Variants in OVGP1 observed in about 807,000 individuals in gnomAD.
OVGP1 encodes the protein oviductal glycoprotein 1.
A neutral mutation model predicts 48.2 loss-of-function variants in OVGP1; 26 were observed. The ratio of observed to expected loss-of-function variants is 0.54; its 90% CI spans 0.40 to 0.75. The LOEUF (loss-of-function observed/expected upper bound fraction) is 0.75, where lower values mean the gene tolerates loss of function less well. OVGP1 is among the 30% of genes least tolerant of loss of function. OVGP1 has a pLI of 0.00. For missense variants in OVGP1, 791 were observed against 820.6 expected (o/e 0.96, Z 0.44); for synonymous variants, 294 against 305.7 (o/e 0.96, Z 0.40).
intron 9 of OVGP1, 86 bp downstream of exon 9, chr1:111,419,524 T>C: frequency 2.5e-6 from 2 of 804,126 alleles, no homozygotes; most frequent in Non-Finnish European, 4.4e-6. Context: ...CTCCACCCAA[T>C]ACACATACAT....
intron 4 of OVGP1, 118 bp downstream of exon 4, chr1:111,425,265 G>A (rs1291897036): frequency 7.2e-6 from 8 of 1,114,180 alleles, no homozygotes; most frequent in Non-Finnish European, 1.0e-5. Flanking sequence ...CATGAGTTGG[G>A]GAAGTATTTG....
intron 6 of OVGP1, 49 bp downstream of exon 6, chr1:111,422,878 C>T (rs1652303585): frequency 6.2e-7 from 1 of 1,609,250 alleles, no homozygotes; most frequent in Non-Finnish European, 8.5e-7. Flanking sequence ...GAGCTCAAGA[C>T]ACCTGCTTCC....
chr1:111,420,050 A>G (rs79394978), intron 8 of OVGP1, among the ~76,000 whole-genome samples: 1 of 152,184 alleles, frequency 6.6e-6, no homozygotes, highest in East Asian at 1.9e-4. Flanking sequence ...TCCTTGACCA[A>G]ATCTGTATCT....
Position 111,423,648 on chromosome 1 carries a change from G to T in OVGP1, c.378C>A (p.Ser126=). The T allele has an allele frequency of 6.2e-7, 1 of 1,614,064 alleles. No homozygotes were observed. Among genetic ancestry groups the T allele is most frequent in the Non-Finnish European group, 8.5e-7 (1 of 1,179,922 alleles). ...CATCAAAGTCATGTGTCCTCAGAAG[G>T]GATATAACTGAAGCAATAAACTTTT... ...NREKFIASVI[S]LLRTHDFDGL... is the part of the protein sequence containing the mutation. Residue 126 remains serine (S), a synonymous_variant, in exon 5 of 11, where the codon TCC becomes TCA. Coordinates refer to ENST00000369732, the MANE Select transcript of OVGP1 (RefSeq NM_002557.4).
At position 111,419,709 on chromosome 1, in the gene OVGP1, C is replaced by G; in HGVS notation, c.921G>C (p.Trp307Cys). Reference protein sequence around the residue: ...LAYFEICSFVWGAKKHWIDYQ... With the variant: ...LAYFEICSFVCGAKKHWIDYQ... ...AATCAATCCAGTGCTTCTTCGCTCC[C>G]CAGACAAAGGAACAAATCTGCCAAG... The change falls in exon 9 of 11, where the codon TGG becomes TGC. Residue 307 changes from tryptophan to cysteine, a missense_variant. Coordinates refer to ENST00000369732, the MANE Select transcript of OVGP1 (RefSeq NM_002557.4). 1 of 1,612,020 alleles carries G rather than the reference C, an allele frequency of 6.2e-7. No homozygotes were observed.
rs751806781 is a variant in OVGP1, at chr1:111,421,435, CT to C, written c.743del (p.Lys248SerfsTer97). On this transcript the variant is annotated frameshift_variant, in exon 8 of 11. Coordinates refer to ENST00000369732, the MANE Select transcript of OVGP1 (RefSeq NM_002557.4). LOFTEE classifies it high-confidence loss of function. The stretch of plus-strand genomic sequence containing the variant: ...TGAGCTTCTCTGAGGGTGCCCCAAG[CT>C]TTCTCCAATAATTCATAGCATATGC... ...SSAYAMNYWRKLGAPSEKLIM... is the reference protein window; with the variant it reads ...SSAYAMNYWRXLGAPSEKLIM... 4.8e-5 allele frequency: 78 copies of C among 1,611,296 alleles called. No individual in the cohort carries two copies. Among genetic ancestry groups the C allele is most frequent in the Non-Finnish European group, 6.2e-5 (73 of 1,178,984 alleles).
chr1:111,422,863 G>A (rs1652303144), intron 6 of OVGP1, 64 bp downstream of exon 6: 2 of 1,588,146 alleles, frequency 1.3e-6, no homozygotes, highest in South Asian at 1.1e-5. Flanking sequence ...AAGCTCTGGG[G>A]TTCTGAGCTC....
At position 111,423,016 on chromosome 1, in the gene OVGP1, G is replaced by T; in HGVS notation, c.519C>A (p.Leu173=). 1 of 1,614,166 alleles carries T rather than the reference G, an allele frequency of 6.2e-7. No homozygotes were observed. The highest frequency in any genetic ancestry group is 8.5e-7 in the Non-Finnish European group (1 of 1,180,032). The change falls in exon 6 of 11, where the codon CTC becomes CTA. Residue 173 remains leucine, a synonymous_variant. Transcript: ENST00000369732. ...ACAGCAGCAGCCTCGGGCGCATGGT[G>T]AGCAGTGCCTCCTTCCGGAAGGCAA... ...LLFAFRKEAL[L]TMRPRLLLSA...
At chr1:111,417,782 G>GT (rs1358235743) in intron 9 of OVGP1, among the ~76,000 whole-genome samples, 3 of 152,230 alleles carry the variant, frequency 2.0e-5, no homozygotes, top group African/African-American at 7.2e-5. Flanking sequence ...CAAGGACAAT[G>GT]TGATGAAGGT....
chr1:111,423,110 G>A, intron 5 of OVGP1, 59 bp from the exon 6 acceptor site: 2 of 1,605,812 alleles, frequency 1.2e-6, no homozygotes, highest in South Asian at 1.1e-5. Flanking sequence ...GGGGCCTGGG[G>A]GGAGTGTCAT....
intron 8 of OVGP1, among the ~76,000 whole-genome samples, 157 bp from the exon 9 acceptor site, chr1:111,419,883 T>C (rs1355178676): frequency 6.6e-6 from 1 of 152,192 alleles, no homozygotes; most frequent in Admixed American, 6.5e-5. Context: ...CACTCACAAA[T>C]GAGTTCCTCT....
At chr1:111,426,327 G>A in intron 3 of OVGP1, 110 bp downstream of exon 3, 3 of 1,485,346 alleles carry the variant, frequency 2.0e-6, no homozygotes, top group Non-Finnish European at 2.7e-6. Context: ...TTGAGAGGAA[G>A]GTAGGACTGG....
rs779925334 is a variant in OVGP1 at position 111,423,754 on chromosome 1, C to A, written c.318-46G>T. ...AGGCAAAGAACTCTATCCACAGAAT[C>A]ACAACCTCCTACAAGGCCCCTTGCA... On this transcript the variant is annotated intron_variant, in intron 4 of 10. Transcript: ENST00000369732. 3.2e-6 allele frequency: 5 copies of A among 1,580,920 alleles called. No homozygotes were observed. In the Admixed American group the frequency reaches 8.6e-5, roughly 27 times the overall value.
intron 6 of OVGP1, among the ~76,000 whole-genome samples, chr1:111,422,372 T>A (rs1652293227): frequency 6.6e-6 from 1 of 152,198 alleles, no homozygotes; most frequent in Admixed American, 6.5e-5. Flanking sequence ...TCTGCCTCAG[T>A]TTCCTCTTCT....
intron 1 of OVGP1, chr1:111,427,454 G>A: frequency 2.4e-6 from 2 of 818,018 alleles, no homozygotes; most frequent in Non-Finnish European, 3.0e-6. Flanking sequence ...AACAGAACTG[G>A]TCCAAGGTGG....
intron 6 of OVGP1, among the ~76,000 whole-genome samples, chr1:111,422,684 G>A (rs574110837): frequency 3.6e-4 from 55 of 152,256 alleles, no homozygotes; most frequent in Admixed American, 9.2e-4. Flanking sequence ...GACTCTACCC[G>A]TGCTAACATT....
intron 9 of OVGP1, among the ~76,000 whole-genome samples, chr1:111,416,991 A>G (rs1444082564): frequency 6.6e-6 from 1 of 152,262 alleles, no homozygotes; most frequent in Non-Finnish European, 1.5e-5. Context: ...GCACAACAAC[A>G]TGAATGTATT....
rs531739627 is a variant in OVGP1 at position 111,426,600 on chromosome 1, G to C, written c.97C>G (p.His33Asp). Reference protein sequence around the residue: ...KLVCYFTNWAHSRPGPASILP... With the variant: ...KLVCYFTNWADSRPGPASILP... ...ATCGAGGCAGGGCCTGGCCGACTGTGTGCCCAGTTGGTGAAATAACACACG... is the reference window on the plus strand; with the variant it reads ...ATCGAGGCAGGGCCTGGCCGACTGTCTGCCCAGTTGGTGAAATAACACACG... Residue 33 changes from histidine to aspartate, a missense_variant, in exon 3 of 11, where the codon CAC becomes GAC. Physicochemically the swap from His to Asp is moderately conservative, Grantham distance 81. Transcript: ENST00000369732. 1 of 1,614,102 alleles carries C rather than the reference G, an allele frequency of 6.2e-7. No homozygotes were observed. The highest frequency in any genetic ancestry group is 8.5e-7 in the Non-Finnish European group (1 of 1,179,990).
intron 1 of OVGP1, 119 bp downstream of exon 1, chr1:111,427,578 T>C: frequency 7.9e-7 from 1 of 1,271,224 alleles, no homozygotes; most frequent in Non-Finnish European, 1.1e-6. Flanking sequence ...ATCCCATCTC[T>C]ACCTAATCTA....
Sources: gnomAD v4.1 joint callset for allele counts (sites outside exome capture counted in the v4.1 genomes callset) on GRCh38, gnomAD v4.1.1 for gene constraint, MANE v1.5 for transcripts, NCBI Gene and HGNC (gene_info 2026-07-23, HGNC 2026-07-21) for gene names.